The following ATP13A5 variants were observed in gnomAD, a reference collection of about 807,000 sequenced individuals.
The protein encoded by ATP13A5 is probable cation-transporting ATPase 13A5.
ATP13A5 carries 149 observed loss-of-function variants against 150.2 expected under a neutral mutation model. That is an observed-to-expected ratio of 0.99 (90% confidence interval 0.87 to 1.14). The LOEUF (loss-of-function observed/expected upper bound fraction) is 1.14, where lower values mean the gene tolerates loss of function less well. Ranked by LOEUF, ATP13A5 falls within the 50% of genes most tolerant of loss-of-function variation. ATP13A5 has a pLI of 0.00. For missense variants in ATP13A5, 1,383 were observed against 1,449.3 expected (o/e 0.95, Z 0.74); for synonymous variants, 497 against 522.2 (o/e 0.95, Z 0.66).
chr3:193,370,528 C>T (rs949537850), intron 1 of ATP13A5, among the ~76,000 whole-genome samples: 1 of 152,182 alleles, frequency 6.6e-6, no homozygotes, highest in Non-Finnish European at 1.5e-5. Context: ...ACCTCTACCA[C>T]GTAACCATAT....
rs1229298356 is a variant in ATP13A5, at chr3:193,359,628, C to G, written c.536+2753G>C. ...GAATCACTAAATCAACGGGGAGCCT[C>G]TCTTCCCAGCTTTGCATTCAGTGAT... On this transcript the variant is annotated intron_variant, in intron 5 of 29. Transcript: ENST00000342358. 1.3e-5 allele frequency among the ~76,000 whole-genome samples: 2 copies of G among 152,236 alleles called. 1 individual carries two copies. The highest frequency in any genetic ancestry group is 2.9e-5 in the Non-Finnish European group (2 of 68,046).
In ATP13A5 at chr3:193,275,093, T is replaced by C. The variant is rs1717124660; in HGVS notation, c.3606A>G (p.Lys1202=). The part of the protein sequence containing the change: ...YESHEQIPKR[K]LKLGGQPTEQ... ...CTGTGGGTTGGCCTCCCAATTTGAG[T>C]TTTCTTTTTGGAATCTGTTCATGGC... Residue 1202 remains lysine (K), a synonymous_variant, in exon 30 of 30, where the codon AAA becomes AAG. Coordinates refer to ENST00000342358, the MANE Select transcript of ATP13A5 (RefSeq NM_198505.4). 1 of 1,613,934 alleles carries C rather than the reference T, an allele frequency of 6.2e-7. No homozygotes were observed. The highest frequency in any genetic ancestry group is 1.3e-5 in the African/African-American group (1 of 74,854).
rs1719168928 is a variant in ATP13A5 at position 193,319,199 on chromosome 3, A to C, written c.1916-91T>G. 4.4e-6 allele frequency: 4 copies of C among 905,068 alleles called. No individual in the cohort carries two copies. The South Asian group carries it at 6.9e-5, about 16-fold the overall frequency. The allele number at this position is 905,068 out of a possible 1,614,324, so 56.1% of individuals were successfully genotyped here. ...GGACACAGCCATTGTACCTTGTCTTAACTTTCATTCCATAAAAGCACTTTA... is the reference window on the plus strand; with the variant it reads ...GGACACAGCCATTGTACCTTGTCTTCACTTTCATTCCATAAAAGCACTTTA... On this transcript the variant is annotated intron_variant, in intron 16 of 29. Coordinates refer to ENST00000342358, the MANE Select transcript of ATP13A5 (RefSeq NM_198505.4).
rs1577365336 is a variant in ATP13A5 at position 193,351,084 on chromosome 3, C to T, written c.724G>A (p.Val242Met). The change falls in exon 7 of 30, where the codon GTG becomes ATG. Residue 242 changes from valine to methionine, a missense_variant. By Grantham distance (21) the Val-to-Met change is conservative. Transcript: ENST00000342358. ...GGTCTTACCTGTCGCAAATCATACA[C>T]ACTTAAGACAATGGAGATAACAGTC... Reference protein sequence around the residue: ...ILTVISIVLSVYDLRQQSVKL... With the variant: ...ILTVISIVLSMYDLRQQSVKL... The T allele has an allele frequency of 1.2e-6, 2 of 1,613,586 alleles. No homozygotes were observed. Among genetic ancestry groups the T allele is most frequent in the Non-Finnish European group, 1.7e-6 (2 of 1,179,650 alleles).
rs866187538 is a variant in ATP13A5, at chr3:193,362,441, G to A, written c.476C>T (p.Ser159Phe). The A allele has an allele frequency of 6.2e-7, 1 of 1,614,110 alleles. No individual in the cohort carries two copies. The highest frequency in any genetic ancestry group is 1.1e-5 in the South Asian group (1 of 91,080). ...QKVGLLEDSN[S>F]CSDIHQTFGL... is the part of the protein sequence containing the mutation. ...AAATGTCTGATGGATGTCAGAGCAG[G>A]AATTGCTGTCTTCTAGCAACCTAGG... The change falls in exon 5 of 30, where the codon TCC (serine) becomes TTC (phenylalanine). Residue 159 changes from serine (S) to phenylalanine (F), a missense_variant. Transcript: ENST00000342358.
rs369200955 is a variant in ATP13A5 at position 193,378,726 on chromosome 3, C to G, written c.-1G>C. On this transcript the variant is annotated 5_prime_UTR_variant, in exon 1 of 30. Transcript: ENST00000342358. Reference sequence around the variant, plus strand: ...GGTCCTTCTTACTGTTCTCTTCCATCTGAACTCAACCGGCGAGGATCTCTT... The same window carrying G: ...GGTCCTTCTTACTGTTCTCTTCCATGTGAACTCAACCGGCGAGGATCTCTT... 3 of 1,613,716 alleles carry G rather than the reference C, an allele frequency of 1.9e-6. No individual in the cohort carries two copies. The highest frequency in any genetic ancestry group is 2.5e-6 in the Non-Finnish European group (3 of 1,179,656).
intron 7 of ATP13A5, among the ~76,000 whole-genome samples, chr3:193,347,524 C>CTTTTTTTTTTTTTTTTT (rs1553820269): frequency 6.9e-6 from 1 of 145,386 alleles, no homozygotes; most frequent in African/African-American, 2.6e-5. Context: ...CCTTAGATTT[C>CTTTTTTTTTTTTTTTTT]TTTTTTTTTT....
At chr3:193,333,132 C>A (rs1236177390) in intron 11 of ATP13A5, among the ~76,000 whole-genome samples, 1 of 151,140 alleles carries the variant, frequency 6.6e-6, no homozygotes, top group Non-Finnish European at 1.5e-5. Context: ...GCCCACCTCT[C>A]TCTCTCTCAC....
At chr3:193,311,563 G>A (rs1281927026) in intron 20 of ATP13A5, among the ~76,000 whole-genome samples, 1 of 152,166 alleles carries the variant, frequency 6.6e-6, no homozygotes, top group Non-Finnish European at 1.5e-5. Flanking sequence ...GAAAGAAGGA[G>A]GAAGGCTGAA....
At chr3:193,352,730 T>TA (rs1158786276) in intron 6 of ATP13A5, among the ~76,000 whole-genome samples, 1 of 152,152 alleles carries the variant, frequency 6.6e-6, no homozygotes, top group East Asian at 1.9e-4. Context: ...AAAACTAGTC[T>TA]AAAAAATAAA....
Position 193,327,044 on chromosome 3 carries a change from G to A in ATP13A5, c.1475C>T (p.Thr492Ile), listed in dbSNP as rs1323726434. The A allele has an allele frequency of 1.2e-6, 2 of 1,610,082 alleles. No individual in the cohort carries two copies. The highest frequency in any genetic ancestry group is 1.7e-6 in the Non-Finnish European group (2 of 1,179,148). The change falls in exon 13 of 30, where the codon ACT becomes ATT. Residue 492 changes from threonine to isoleucine, a missense_variant. Thr to Ile is a moderately conservative substitution (Grantham distance 89, BLOSUM62 -1). Coordinates refer to ENST00000342358, the MANE Select transcript of ATP13A5 (RefSeq NM_198505.4). ...LVCFDKTGTL[T>I]EDGLDLWGTV... is the part of the protein sequence containing the mutation. The stretch of plus-strand genomic sequence containing the variant: ...CCCCCAGAGGTCCAGCCCATCTTCA[G>A]TGAGAGTGCCAGTCTGAGTAAAAAT...
At chr3:193,343,181 G>A (rs1232256200) in intron 9 of ATP13A5, among the ~76,000 whole-genome samples, 1 of 152,124 alleles carries the variant, frequency 6.6e-6, no homozygotes, top group African/African-American at 2.4e-5. Flanking sequence ...TAAACAGTCT[G>A]TAAGCATAAA....
At chr3:193,296,213 C>G (rs1382146829) in intron 25 of ATP13A5, among the ~76,000 whole-genome samples, 1 of 152,052 alleles carries the variant, frequency 6.6e-6, no homozygotes, top group Non-Finnish European at 1.5e-5. Flanking sequence ...CCTGAGAAGT[C>G]AGAGGGAGAG....
chr3:193,305,456 T>C, intron 23 of ATP13A5, 103 bp downstream of exon 23: 1 of 935,350 alleles, frequency 1.1e-6, no homozygotes, highest in South Asian at 1.4e-5. Context: ...CACCCATTCC[T>C]CTGTTGCAGC....
intron 1 of ATP13A5, among the ~76,000 whole-genome samples, chr3:193,368,407 T>TGTGC (rs1713326345): frequency 6.6e-6 from 1 of 151,774 alleles, no homozygotes; most frequent in Non-Finnish European, 1.5e-5. Context: ...TGTGTGTGTG[T>TGTGC]GTGTGTGTGT....
At chr3:193,276,869 T>G (rs1349907593) in intron 28 of ATP13A5, 39 bp from the exon 29 acceptor site, 1 of 1,424,818 alleles carries the variant, frequency 7.0e-7, no homozygotes, top group Non-Finnish European at 9.8e-7. Flanking sequence ...TTTTGCACAC[T>G]TCACACTTTG....
At chr3:193,299,797 A>T (rs1417512379) in intron 24 of ATP13A5, among the ~76,000 whole-genome samples, 1 of 152,160 alleles carries the variant, frequency 6.6e-6, no homozygotes, top group African/African-American at 2.4e-5. Flanking sequence ...AAGTCAAATC[A>T]TTACTCTCCA....
At chr3:193,355,689 C>T (rs1712756051) in intron 5 of ATP13A5, among the ~76,000 whole-genome samples, 2 of 152,194 alleles carry the variant, frequency 1.3e-5, no homozygotes, top group African/African-American at 4.8e-5. Flanking sequence ...GCCCATCACG[C>T]TCTTTGACTT....
chr3:193,355,641 T>G (rs746598171), intron 5 of ATP13A5, among the ~76,000 whole-genome samples: 4 of 152,210 alleles, frequency 2.6e-5, no homozygotes, highest in Non-Finnish European at 4.4e-5. Flanking sequence ...ATGAAAACAC[T>G]GAGGTTCAAG....
Sources: gnomAD v4.1 joint callset for allele counts (sites outside exome capture counted in the v4.1 genomes callset) on GRCh38, gnomAD v4.1.1 for gene constraint, MANE v1.5 for transcripts, NCBI Gene and HGNC (gene_info 2026-07-23, HGNC 2026-07-21) for gene names.